The following ZNF43 variants were observed in gnomAD, a reference collection of about 807,000 sequenced individuals.
ZNF43 encodes zinc finger protein 43, also known as zinc finger protein 39-like 1 (KOX 27).
Under a neutral mutation model 68.4 loss-of-function variants are expected in ZNF43, and 44 were observed. That is an observed-to-expected ratio of 0.64 (90% CI 0.51 to 0.83). The LOEUF is 0.83. Among genes scored for constraint, ZNF43 ranks in the 40% least tolerant of loss-of-function variants. The pLI, the probability that ZNF43 is intolerant of heterozygous loss-of-function variation, is 0.00. For missense variants in ZNF43, 896 were observed against 933.2 expected (o/e 0.96, Z 0.52); for synonymous variants, 308 against 307.8 (o/e 1.00, Z -0.01).
At chr19:21,836,307 A>G (rs550106527), upstream of ZNF43, 114 of 1,205,602 alleles carry the variant, frequency 9.5e-5, no homozygotes, top group African/African-American at 1.6e-3. Context: ...ACCCTGAATG[A>G]AAGATGTGAT....
chr19:21,832,885 T>C (rs977460952), intron 1 of ZNF43, among the ~76,000 whole-genome samples: 2 of 151,788 alleles, frequency 1.3e-5, no homozygotes, highest in African/African-American at 4.8e-5. Context: ...AAAAATTATG[T>C]GGTAAACAAT....
At chr19:21,815,878 G>A (rs1379033830) in intron 3 of ZNF43, among the ~76,000 whole-genome samples, 1 of 151,836 alleles carries the variant, frequency 6.6e-6, no homozygotes, top group Admixed American at 6.6e-5. Context: ...GACTAACATG[G>A]TGAAATCCCA....
intron 1 of ZNF43, among the ~76,000 whole-genome samples, chr19:21,832,726 G>A (rs186548712): frequency 1.3e-5 from 2 of 152,160 alleles, no homozygotes; most frequent in African/African-American, 2.4e-5. Flanking sequence ...TTAGCTGGGC[G>A]TGGTGGCACA....
intron 3 of ZNF43, among the ~76,000 whole-genome samples, chr19:21,810,090 G>A (rs989305783): frequency 6.6e-6 from 1 of 152,144 alleles, no homozygotes; most frequent in African/African-American, 2.4e-5. Context: ...AGCTTTTTCT[G>A]CTCTCCAACA....
rs369242786 is a variant in ZNF43, at chr19:21,807,877, G to A, written c.2160C>T (p.Asn720=). 69 of 1,612,896 alleles carry A rather than the reference G, an allele frequency of 4.3e-5. No homozygotes were observed. The highest frequency in any genetic ancestry group is 6.7e-5 in the Admixed American group (4 of 59,930). ...TATGAATTTTCTTATGTTCAATAAGGTTTGAGGATCGGTTAAAAGCTTTGC... is the reference window on the plus strand; with the variant it reads ...TATGAATTTTCTTATGTTCAATAAGATTTGAGGATCGGTTAAAAGCTTTGC... ...KCGKAFNRSS[N]LIEHKKIHTG... Residue 720 remains asparagine (N), a synonymous_variant, in exon 4 of 4, where the codon AAC becomes AAT. Transcript: ENST00000354959.
chr19:21,806,091 T>C lies in ZNF43; in HGVS notation c.*1516A>G, dbSNP rs1335363297. 1 of 151,988 alleles carries C rather than the reference T, an allele frequency of 6.6e-6. No homozygotes were observed. The highest frequency in any genetic ancestry group is 2.4e-5 in the African/African-American group (1 of 41,392). The allele number at this position is 151,988 out of a possible 1,614,324, so 9.4% of individuals were successfully genotyped here. On this transcript the variant is annotated 3_prime_UTR_variant, in exon 4 of 4. Transcript: ENST00000354959. Reference sequence around the variant, plus strand: ...TCACTATAATGCAGAAGAATATTACTCTGAAAACCTATCTCCTGCATCACT... The same window carrying C: ...TCACTATAATGCAGAAGAATATTACCCTGAAAACCTATCTCCTGCATCACT...
At chr19:21,824,732 TAAAAAAA>T (rs34739856) in intron 1 of ZNF43, among the ~76,000 whole-genome samples, 7 of 107,248 alleles carry the variant, frequency 6.5e-5, no homozygotes, top group African/African-American at 1.6e-4. Flanking sequence ...TATGTTTACC[TAAAAAAA>T]AAAAAAAAAA....
intron 1 of ZNF43, among the ~76,000 whole-genome samples, chr19:21,828,034 T>C: frequency 6.6e-6 from 1 of 152,148 alleles, no homozygotes; most frequent in East Asian, 1.9e-4. Context: ...AGCATTCCAA[T>C]TTAGTTAAAT....
At position 21,809,100 on chromosome 19, in the gene ZNF43, G is replaced by T. The variant is rs745543519; in HGVS notation, c.937C>A (p.Pro313Thr). 3.1e-6 allele frequency: 5 copies of T among 1,613,340 alleles called. No individual in the cohort carries two copies. In the African/African-American group the frequency reaches 4.0e-5, roughly 13 times the overall value. ...TTGCCACATTCTTCACATTTGTAAG[G>T]TTTCTCTCCAGGATGAATTTTCTTA... Reference protein sequence around the residue: ...EHKKIHPGEKPYKCEECGKAF... With the variant: ...EHKKIHPGEKTYKCEECGKAF... The change falls in exon 4 of 4, where the codon CCT becomes ACT. Residue 313 changes from proline to threonine, a missense_variant. Pro to Thr is a conservative substitution (Grantham distance 38). Coordinates refer to ENST00000354959, the MANE Select transcript of ZNF43 (RefSeq NM_003423.4).
At chr19:21,828,906 G>T (rs1284621801) in intron 1 of ZNF43, among the ~76,000 whole-genome samples, 2 of 151,316 alleles carry the variant, frequency 1.3e-5, no homozygotes, top group Admixed American at 6.6e-5. Flanking sequence ...CCTGGCGGGC[G>T]CCTATACTCC....
At chr19:21,810,681 G>A (rs1335042260) in intron 3 of ZNF43, among the ~76,000 whole-genome samples, 2 of 152,100 alleles carry the variant, frequency 1.3e-5, no homozygotes, top group African/African-American at 2.4e-5. Context: ...GGGTGCAGTC[G>A]CTTATGCTTA....
chr19:21,834,335 CAAAAAAAAA>C (rs34305940), intron 1 of ZNF43, among the ~76,000 whole-genome samples: 3 of 86,448 alleles, frequency 3.5e-5, no homozygotes, highest in African/African-American at 1.2e-4. Context: ...AACACTGTCT[CAAAAAAAAA>C]AAAAAAAAAG....
chr19:21,836,217 C>T (rs1018842849), upstream of ZNF43: 15 of 1,454,214 alleles, frequency 1.0e-5, no homozygotes, highest in African/African-American at 1.4e-5. Flanking sequence ...CCGCCCTGTC[C>T]TCTCCTGCCC....
In ZNF43 at chr19:21,821,956, G is replaced by A. The variant is rs958605341; in HGVS notation, c.4-2735C>T. 3.1e-4 allele frequency among the ~76,000 whole-genome samples: 47 copies of A among 152,224 alleles called. 1 individual carries two copies. The highest frequency in any genetic ancestry group is 1.1e-3 in the African/African-American group (44 of 41,538). ...TCTCTGTCTCTGGGAATCCTTTCCA[G>A]ATGAGATTCTCTGGACAAATTACAC... On this transcript the variant is annotated intron_variant, in intron 1 of 3. Transcript: ENST00000354959.
intron 1 of ZNF43, among the ~76,000 whole-genome samples, chr19:21,834,876 T>C (rs1004810415): frequency 1.3e-5 from 2 of 149,408 alleles, no homozygotes; most frequent in Non-Finnish European, 3.0e-5. Flanking sequence ...AATATCTGTA[T>C]CAAAAATATA....
At chr19:21,830,284 AAAAAAACAAAAC>A (rs2038360146) in intron 1 of ZNF43, among the ~76,000 whole-genome samples, 1 of 151,534 alleles carries the variant, frequency 6.6e-6, no homozygotes, top group Non-Finnish European at 1.5e-5. Context: ...AAAATGAAAA[AAAAAAACAAAAC>A]AAAAAACAAA....
upstream of ZNF43, among the ~76,000 whole-genome samples, chr19:21,836,372 G>T (rs1193808619): frequency 6.6e-6 from 1 of 152,220 alleles, no homozygotes; most frequent in African/African-American, 2.4e-5. Context: ...GCCTTTTCAG[G>T]CAGGGCTTCC....
rs779441479 is a variant in ZNF43 at position 21,808,115 on chromosome 19, TTA to T, written c.1920_1921del (p.His640GlnfsTer6). 90 of 1,613,112 alleles carry T rather than the reference TTA, an allele frequency of 5.6e-5. 1 individual carries two copies. Among genetic ancestry groups the T allele is most frequent in the Non-Finnish European group, 7.5e-5 (88 of 1,179,846 alleles). On this transcript the variant is annotated frameshift_variant, in exon 4 of 4. Coordinates refer to ENST00000354959, the MANE Select transcript of ZNF43 (RefSeq NM_003423.4). LOFTEE classifies it high-confidence loss of function. ...GGGTTTCTCCTCAGTGTGAATTATC[TTA>T]TGTTTAGTAAGAGTTGAGAACTGGT...
chr19:21,811,894 A>AAAAG (rs760453102), intron 3 of ZNF43: 34 of 386,206 alleles, frequency 8.8e-5, no homozygotes, highest in Non-Finnish European at 1.4e-4. Flanking sequence ...AAATCTTTTA[A>AAAAG]AAAGAAATAT....
Sources: gnomAD v4.1 joint callset for allele counts (sites outside exome capture counted in the v4.1 genomes callset) on GRCh38, gnomAD v4.1.1 for gene constraint, MANE v1.5 for transcripts, NCBI Gene and HGNC (gene_info 2026-07-23, HGNC 2026-07-21) for gene names.